Variants in CIROZ observed in about 807,000 individuals in gnomAD.
CIROZ encodes the protein ciliated left-right organizer ZP-N domains-containing protein.
chr1:10,964,296 A>G, the CIROZ span: 452,634 of 1,586,858 alleles, frequency 0.29, 71,580 homozygotes, highest in African/African-American at 0.5. Context: ...AAATTCATGT[A>G]TGCAAATGAG....
chr1:10,949,631 A>T, the CIROZ span: 2 of 1,602,418 alleles, frequency 1.2e-6, no homozygotes, highest in Admixed American at 3.4e-5. Context: ...TGCTTTGGCC[A>T]GTGCGTCGGA....
At chr1:10,963,879 G>A in the CIROZ span, among the ~76,000 whole-genome samples, 3 of 152,074 alleles carry the variant, frequency 2.0e-5, no homozygotes, top group East Asian at 1.9e-4. Context: ...CAGAACCCGA[G>A]GTCAGAGAGC....
At chr1:10,979,034 C>A in the CIROZ span, among the ~76,000 whole-genome samples, 1 of 152,094 alleles carries the variant, frequency 6.6e-6, no homozygotes, top group East Asian at 1.9e-4. Context: ...CTCTGTCACC[C>A]AGGCTGGAGT....
At chr1:10,949,599 G>T in the CIROZ span, 4 of 1,584,270 alleles carry the variant, frequency 2.5e-6, no homozygotes, top group Admixed American at 3.6e-5. Flanking sequence ...GAAACCATGG[G>T]CAGAGGATGC....
chr1:10,957,580 C>T, the CIROZ span: 52 of 1,610,530 alleles, frequency 3.2e-5, no homozygotes, highest in South Asian at 5.3e-4. Context: ...CCAGAGGCCC[C>T]TCACCTCCTG....
chr1:10,951,730 T>TAAAA, the CIROZ span, among the ~76,000 whole-genome samples: 14 of 125,342 alleles, frequency 1.1e-4, no homozygotes, highest in African/African-American at 4.0e-4. Context: ...GTCTCTTATT[T>TAAAA]AAAAAAAAAA....
chr1:10,975,909 C>A, the CIROZ span, among the ~76,000 whole-genome samples: 168 of 152,192 alleles, frequency 1.1e-3, no homozygotes, highest in African/African-American at 4.0e-3. Flanking sequence ...ATTATTGAAA[C>A]AAGCACCGAG....
At chr1:10,970,895 A>G in the CIROZ span, among the ~76,000 whole-genome samples, 1 of 150,926 alleles carries the variant, frequency 6.6e-6, no homozygotes, top group African/African-American at 2.4e-5. Flanking sequence ...CTGTAATCCC[A>G]GGACTTTGGG....
At chr1:10,976,350 T>A in the CIROZ span, 1 of 876,874 alleles carries the variant, frequency 1.1e-6, no homozygotes, top group South Asian at 1.6e-5. Flanking sequence ...TTTTTTTTTT[T>A]TCTGAGACGG....
At chr1:10,975,590 GAA>G in the CIROZ span, among the ~76,000 whole-genome samples, 6 of 98,612 alleles carry the variant, frequency 6.1e-5, no homozygotes, top group East Asian at 2.9e-4. Flanking sequence ...CTCTGTCTCA[GAA>G]AAAAAAAAAA....
At chr1:10,955,758 C>T in the CIROZ span, among the ~76,000 whole-genome samples, 5 of 150,872 alleles carry the variant, frequency 3.3e-5, no homozygotes, top group African/African-American at 1.2e-4. Context: ...GCAGGAGAAT[C>T]GCTTGAACCC....
the CIROZ span, among the ~76,000 whole-genome samples, chr1:10,981,534 G>T: frequency 2.9e-5 from 4 of 136,342 alleles, no homozygotes; most frequent in South Asian, 8.4e-4. Context: ...AAGGAAGGAA[G>T]GCAGGGAGGG....
At chr1:10,961,505 G>A in the CIROZ span, among the ~76,000 whole-genome samples, 1 of 152,272 alleles carries the variant, frequency 6.6e-6, no homozygotes, top group East Asian at 1.9e-4. Flanking sequence ...TGGTGCAGGG[G>A]CCCTTCCCAC....
the CIROZ span, among the ~76,000 whole-genome samples, chr1:10,951,336 G>A: frequency 1.3e-5 from 2 of 151,804 alleles, no homozygotes; most frequent in African/African-American, 4.8e-5. Flanking sequence ...AGGCTGAGGC[G>A]GCTGGATCAC....
the CIROZ span, chr1:10,976,277 G>C: frequency 6.7e-7 from 1 of 1,495,154 alleles, no homozygotes; most frequent in Non-Finnish European, 9.0e-7. Context: ...GGAGGGAAGG[G>C]GGTGGGGACA....
the CIROZ span, among the ~76,000 whole-genome samples, chr1:10,972,420 TACACACACACACACACACACACACAC>T: frequency 7.6e-6 from 1 of 131,806 alleles, no homozygotes; most frequent in South Asian, 2.5e-4. Flanking sequence ...GTCTCTGAAA[TACACACACACACACACACACACACAC>T]ACACACACAC....
the CIROZ span, chr1:10,954,049 A>G: frequency 1.2e-6 from 2 of 1,613,648 alleles, no homozygotes; most frequent in South Asian, 1.1e-5. Context: ...TCCACTGTCC[A>G]GAGGACCGGG....
chr1:10,959,187 G>C, the CIROZ span, among the ~76,000 whole-genome samples: 3 of 152,112 alleles, frequency 2.0e-5, no homozygotes, highest in Non-Finnish European at 4.4e-5. This position sits in a 1 kb window ranked among gnomAD's most constrained non-coding sequence, Gnocchi z 4.3. Flanking sequence ...GGCTTCTACG[G>C]TCCCAGAGAG....
the CIROZ span, chr1:10,966,560 C>A: frequency 7.1e-7 from 1 of 1,406,586 alleles, no homozygotes. Flanking sequence ...ATATCAGACT[C>A]GCAGATAGAA....
Sources: gnomAD v4.1 joint callset for allele counts (sites outside exome capture counted in the v4.1 genomes callset) on GRCh38, gnomAD v4.1.1 for gene constraint, Gnocchi (gnomAD v3.1) non-coding constraint, MANE v1.5 for transcripts, NCBI Gene and HGNC (gene_info 2026-07-23, HGNC 2026-07-21) for gene names.